MUC12: variants seen among roughly 807,000 people sequenced by gnomAD.
The protein encoded by MUC12 is mucin-12.
In MUC12, 172 loss-of-function variants were observed where a neutral mutation model predicts 230.8. The ratio of observed to expected loss-of-function variants is 0.75; its 90% CI spans 0.66 to 0.85. MUC12 has a LOEUF of 0.85. MUC12 is among the 40% of genes least tolerant of loss of function. MUC12 has a pLI of 0.00. For missense variants in MUC12, 3,506 were observed against 5,920.6 expected (o/e 0.59, Z 13.38); for synonymous variants, 1,259 against 2,401.9 (o/e 0.52, Z 13.91).
At position 100,992,979 on chromosome 7, in the gene MUC12, G is replaced by A. The variant is rs1395743621; in HGVS notation, c.2416G>A (p.Glu806Lys). Residue 806 changes from glutamate to lysine, a missense_variant, in exon 2 of 12, where the codon GAA (glutamate) becomes AAA (lysine). By Grantham distance (56) the Glu-to-Lys change is moderately conservative. Coordinates refer to ENST00000536621, the MANE Select transcript of MUC12 (RefSeq NM_001164462.2). Reference sequence around the variant, plus strand: ...CTCACCCATCAGTTCAGGCTCAATGGAAACGACAGCGTTACCCGGCAGTAC... The same window carrying A: ...CTCACCCATCAGTTCAGGCTCAATGAAAACGACAGCGTTACCCGGCAGTAC... Reference protein sequence around the residue: ...TTSPISSGSMETTALPGSTTT... With the variant: ...TTSPISSGSMKTTALPGSTTT... The A allele has an allele frequency of 9.8e-6, 15 of 1,537,206 alleles. No individual in the cohort carries two copies. Among genetic ancestry groups the A allele is most frequent in the African/African-American group, 1.4e-5 (1 of 72,606 alleles).
rs1431277799 is a variant in MUC12, at chr7:100,991,013, ACT to A, written c.454_455del (p.Ser152ThrfsTer11). ...YSSPRSPDRT[L>X]SPARTTSSGV... The stretch of plus-strand genomic sequence containing the variant: ...GTAGCCCCAGATCACCAGACAGAAC[ACT>A]CTCACCTGCCCGCACGACAAGCTCA... On this transcript the variant is annotated frameshift_variant, in exon 2 of 12. Coordinates refer to ENST00000536621, the MANE Select transcript of MUC12 (RefSeq NM_001164462.2). LOFTEE classifies it high-confidence loss of function. 9 of 1,537,608 alleles carry A rather than the reference ACT, an allele frequency of 5.9e-6. No homozygotes were observed. Among genetic ancestry groups the A allele is most frequent in the East Asian group, 2.4e-5 (1 of 40,908 alleles).
intron 5 of MUC12, among the ~76,000 whole-genome samples, chr7:101,011,567 G>T (rs1487222362): frequency 6.6e-6 from 1 of 151,994 alleles, no homozygotes; most frequent in African/African-American, 2.4e-5. Context: ...GACTACAAGC[G>T]TGCACTAACT....
chr7:100,988,138 A>C, intron 1 of MUC12, among the ~76,000 whole-genome samples: 1 of 151,446 alleles, frequency 6.6e-6, no homozygotes, highest in East Asian at 1.9e-4. Flanking sequence ...TCTCTACTAA[A>C]AATACAAAAA....
intron 4 of MUC12, 67 bp downstream of exon 4, chr7:101,008,828 C>A (rs1211746161): frequency 1.3e-5 from 20 of 1,489,970 alleles, no homozygotes; most frequent in Non-Finnish European, 1.8e-5. Context: ...GGGGGGTGCA[C>A]CCCAACTTAG....
chr7:100,989,289 A>G (rs1793242686), intron 1 of MUC12, among the ~76,000 whole-genome samples: 1 of 151,672 alleles, frequency 6.6e-6, no homozygotes, highest in South Asian at 2.1e-4. Context: ...TTGTATTTTT[A>G]GTAGAGATGA....
chr7:100,981,490 G>C (rs1793105259), intron 1 of MUC12: 1 of 498,794 alleles, frequency 2.0e-6, no homozygotes, highest in African/African-American at 2.0e-5. Context: ...AGGAGCCAGA[G>C]AGAAGGAGCG....
chr7:100,980,276 C>T (rs1047297868), intron 1 of MUC12, among the ~76,000 whole-genome samples: 4 of 152,174 alleles, frequency 2.6e-5, no homozygotes, highest in South Asian at 4.1e-4. Context: ...CTCTTGACCT[C>T]GTGATCCCGC....
In MUC12 at chr7:100,991,497, A is replaced by T; in HGVS notation, c.934A>T (p.Thr312Ser). ...STTYHSSPSS[T>S]PTTHFSASST... ...AACTTATCACAGCAGCCCGAGCTCA[A>T]CTCCAACAACCCACTTTTCTGCCAG... Residue 312 changes from threonine to serine, a missense_variant, in exon 2 of 12, where the codon ACT becomes TCT. Physicochemically the swap from Thr to Ser is moderately conservative, Grantham distance 58. Transcript: ENST00000536621. 1.3e-6 allele frequency: 2 copies of T among 1,537,170 alleles called. No homozygotes were observed. Among genetic ancestry groups the T allele is most frequent in the Non-Finnish European group, 1.7e-6 (2 of 1,146,660 alleles).
At position 101,008,668 on chromosome 7, in the gene MUC12, G is replaced by A. The variant is rs768067010; in HGVS notation, c.15093G>A (p.Met5031Ile). The change falls in exon 4 of 12, where the codon ATG becomes ATA. Residue 5031 changes from methionine to isoleucine, a missense_variant. Met to Ile is a conservative substitution (Grantham distance 10, BLOSUM62 1). Transcript: ENST00000536621. ...TPEKLNATLG[M>I]TVKVTYRNFT... is the part of the protein sequence containing the mutation. Reference sequence around the variant, plus strand: ...AAAAACTCAACGCCACTTTAGGTATGACAGTGAAAGTGACTTACAGAAATT... The same window carrying A: ...AAAAACTCAACGCCACTTTAGGTATAACAGTGAAAGTGACTTACAGAAATT... 22 of 1,537,252 alleles carry A rather than the reference G, an allele frequency of 1.4e-5. No individual in the cohort carries two copies. The South Asian group carries it at 2.6e-4, about 18-fold the overall frequency.
At chr7:101,011,711 C>T (rs908330269) in intron 5 of MUC12, among the ~76,000 whole-genome samples, 17 of 152,178 alleles carry the variant, frequency 1.1e-4, no homozygotes, top group Admixed American at 2.0e-4. Flanking sequence ...CATGAGCCAC[C>T]GCACTTCCTG....
At position 100,991,913 on chromosome 7, in the gene MUC12, A is replaced by C. The variant is rs1225884434; in HGVS notation, c.1350A>C (p.Thr450=). 6.5e-7 allele frequency: 1 copy of C among 1,537,886 alleles called. No individual in the cohort carries two copies. The highest frequency in any genetic ancestry group is 8.7e-7 in the Non-Finnish European group (1 of 1,147,060). ...GCAGCCCAGATGCAATGGCAACAAC[A>C]GTCTTACCTGCCGGCTCTACACCCT... The part of the protein sequence containing the change: ...SHSSPDAMAT[T]VLPAGSTPSV... The change falls in exon 2 of 12, where the codon ACA becomes ACC. Residue 450 remains threonine (T), a synonymous_variant. Coordinates refer to ENST00000536621, the MANE Select transcript of MUC12 (RefSeq NM_001164462.2).
Position 100,994,663 on chromosome 7 carries a change from T to A in MUC12, c.4100T>A (p.Leu1367Gln). 1 of 1,463,320 alleles carries A rather than the reference T, an allele frequency of 6.8e-7. No homozygotes were observed. Among genetic ancestry groups the A allele is most frequent in the Admixed American group, 2.2e-5 (1 of 45,834 alleles). The allele number at this position is 1,463,320 out of a possible 1,614,324, so 90.6% of individuals were successfully genotyped here. Reference sequence around the variant, plus strand: ...AGCCAAGGCTCAACAGAGGCAACACTGTCCCCTGGCAGTACCACAGCCTCA... The same window carrying A: ...AGCCAAGGCTCAACAGAGGCAACACAGTCCCCTGGCAGTACCACAGCCTCA... The part of the protein sequence containing the change: ...HSSQGSTEAT[L>Q]SPGSTTASSL... Residue 1367 changes from leucine (L) to glutamine (Q), a missense_variant, in exon 2 of 12, where the codon CTG becomes CAG. Leu to Gln is a moderately radical substitution (Grantham distance 113, BLOSUM62 -2). Coordinates refer to ENST00000536621, the MANE Select transcript of MUC12 (RefSeq NM_001164462.2).
At chr7:100,982,945 G>A (rs762587821) in intron 1 of MUC12, among the ~76,000 whole-genome samples, 2 of 151,716 alleles carry the variant, frequency 1.3e-5, no homozygotes, top group Non-Finnish European at 2.9e-5. Flanking sequence ...ATGTTGCCCA[G>A]GTTGGTCTTG....
At position 100,991,328 on chromosome 7, in the gene MUC12, C is replaced by T. The variant is rs1382845477; in HGVS notation, c.765C>T (p.Ser255=). 2 of 1,537,708 alleles carry T rather than the reference C, an allele frequency of 1.3e-6. No homozygotes were observed. Among genetic ancestry groups the T allele is most frequent in the African/African-American group, 2.7e-5 (2 of 73,006 alleles). The change falls in exon 2 of 12, where the codon AGC becomes AGT. Residue 255 remains serine, a synonymous_variant. Transcript: ENST00000536621. ...AAGCATCTACGCCCGTCCACAGCAG[C>T]ACTGGATCGCCACACACAACACTGT... ...LLEASTPVHS[S]TGSPHTTLSP...
intron 1 of MUC12, among the ~76,000 whole-genome samples, chr7:100,986,613 C>T (rs1793195171): frequency 6.6e-6 from 1 of 152,198 alleles, no homozygotes; most frequent in African/African-American, 2.4e-5. Context: ...CTTGGTCCAG[C>T]TCCTAGCCTC....
intron 3 of MUC12, among the ~76,000 whole-genome samples, chr7:101,007,277 T>C (rs1229367538): frequency 1.3e-5 from 2 of 152,222 alleles, no homozygotes; most frequent in Non-Finnish European, 2.9e-5. Flanking sequence ...TGTTTTTAAA[T>C]GTTCAATTAA....
chr7:101,006,833 T>C (rs1793761115), intron 3 of MUC12, among the ~76,000 whole-genome samples: 1 of 152,188 alleles, frequency 6.6e-6, no homozygotes, highest in African/African-American at 2.4e-5. Flanking sequence ...TTATGGAGTA[T>C]ACATGAGATG....
Position 100,995,521 on chromosome 7 carries a change from C to A in MUC12, c.4958C>A (p.Ala1653Asp). The change falls in exon 2 of 12, where the codon GCC (alanine) becomes GAC (aspartate). Residue 1653 changes from alanine (A) to aspartate (D), a missense_variant. Ala to Asp is a moderately radical substitution (Grantham distance 126, BLOSUM62 -2). Transcript: ENST00000536621. The stretch of plus-strand genomic sequence containing the variant: ...ACACTCTTACCTGACAACACCACAG[C>A]CTCAGGCCTCCTTGAAGCATCTACG... ...ETTLLPDNTT[A>D]SGLLEASTPV... The A allele has an allele frequency of 6.5e-7, 1 of 1,536,196 alleles. No individual in the cohort carries two copies. Among genetic ancestry groups the A allele is most frequent in the South Asian group, 1.2e-5 (1 of 84,008 alleles).
chr7:101,012,757 A>AC (rs781325460), intron 6 of MUC12, 62 bp from the exon 7 acceptor site: 75 of 1,498,066 alleles, frequency 5.0e-5, no homozygotes, highest in Non-Finnish European at 6.7e-5. Context: ...AGGCCTGGCT[A>AC]CCCCCAGGGA....
Sources: allele counts gnomAD v4.1 joint callset (sites outside exome capture counted in the v4.1 genomes callset), GRCh38; gene constraint gnomAD v4.1.1; transcripts MANE v1.5; gene names NCBI Gene and HGNC (gene_info 2026-07-23, HGNC 2026-07-21).